Variants in BIRC6 observed in about 807,000 individuals in gnomAD.
BIRC6 encodes dual E2 ubiquitin-conjugating enzyme/E3 ubiquitin-protein ligase BIRC6.
A neutral mutation model predicts 503.3 loss-of-function variants in BIRC6; 98 were observed. The observed-to-expected ratio is 0.19, with a 90% CI of 0.17 to 0.23. The LOEUF (loss-of-function observed/expected upper bound fraction) is 0.23, where lower values mean the gene tolerates loss of function less well. BIRC6 is among the 10% of genes least tolerant of loss of function. BIRC6 has a pLI of 1.00. For missense variants in BIRC6, 5,360 were observed against 5,806.0 expected (o/e 0.92, Z 2.50); for synonymous variants, 2,240 against 2,078.7 (o/e 1.08, Z -2.11).
chr2:32,529,209 G>C (rs1474073090), intron 59 of BIRC6: 1 of 153,822 alleles, frequency 6.5e-6, no homozygotes, highest in Non-Finnish European at 1.4e-5. Flanking sequence ...GGTGATGTGA[G>C]TCTTGCCTTC....
In BIRC6 at chr2:32,461,000, CTCTT is replaced by C. The variant is rs1353288586; in HGVS notation, c.4754-2193_4754-2190del. ...TGCAATTGCTCTGCTCTGCTCTGCTCTCTTCTCTTCTCTTCTCTTCTCTTCTCTT... is the reference window on the plus strand; with the variant it reads ...TGCAATTGCTCTGCTCTGCTCTGCTCCTCTTCTCTTCTCTTCTCTTCTCTT... On this transcript the variant is annotated intron_variant, in intron 23 of 73. Coordinates refer to ENST00000421745, the MANE Select transcript of BIRC6 (RefSeq NM_016252.4). Among the ~76,000 whole-genome samples the C allele has an allele frequency of 8.7e-4, 18 of 20,754 alleles. No homozygotes were observed. In the East Asian group the frequency reaches 0.012, roughly 13 times the overall value. The allele number at this position is 20,754 out of a possible 152,430, so 13.6% of individuals were successfully genotyped here.
chr2:32,616,384 C>G (rs2063239534), intron 73 of BIRC6, among the ~76,000 whole-genome samples: 1 of 151,458 alleles, frequency 6.6e-6, no homozygotes, highest in South Asian at 2.1e-4. Context: ...AAGGCAAAAC[C>G]CCGTCTCTAC....
Position 32,593,955 on chromosome 2 carries a change from G to A in BIRC6, c.13396G>A (p.Ala4466Thr), listed in dbSNP as rs2061532895. The A allele has an allele frequency of 1.2e-6, 2 of 1,613,414 alleles. No homozygotes were observed. The highest frequency in any genetic ancestry group is 1.7e-6 in the Non-Finnish European group (2 of 1,179,552). Residue 4466 changes from alanine to threonine, a missense_variant, in exon 67 of 74, where the codon GCG becomes ACG. Around this residue, in one of 16 missense-constraint regions of BIRC6, gnomAD observed 477 missense variants for 574.4 expected, o/e 0.83. Transcript: ENST00000421745. ...TGTTAAAACAGGAGTAAAACCAGAT[G>A]CGTCTGATCAAGAACCAGAAGGACT... ...ENVKTGVKPD[A>T]SDQEPEGLTL...
At chr2:32,598,030 T>G in intron 69 of BIRC6, 62 bp downstream of exon 69, 1 of 1,367,952 alleles carries the variant, frequency 7.3e-7, no homozygotes, top group Non-Finnish European at 1.0e-6. Flanking sequence ...ATTACTCAAA[T>G]TTTTATACAA....
intron 57 of BIRC6, chr2:32,523,070 C>T (rs574817567): frequency 6.6e-6 from 1 of 152,108 alleles, no homozygotes. Context: ...TACTCAGTGT[C>T]TGAAAAGTAT....
intron 30 of BIRC6, among the ~76,000 whole-genome samples, 185 bp downstream of exon 30, chr2:32,469,799 TA>T (rs2048929285): frequency 6.6e-6 from 1 of 152,232 alleles, no homozygotes; most frequent in South Asian, 2.1e-4. Context: ...AAGTGATAAT[TA>T]GAGTCTACTC....
intron 65 of BIRC6, among the ~76,000 whole-genome samples, chr2:32,562,542 C>T (rs565444068): frequency 3.9e-5 from 6 of 152,284 alleles, no homozygotes; most frequent in African/African-American, 1.4e-4. Context: ...TGTATTCCAC[C>T]ATGACAGGAT....
At chr2:32,568,239 G>C (rs1282950946) in intron 65 of BIRC6, among the ~76,000 whole-genome samples, 1 of 144,810 alleles carries the variant, frequency 6.9e-6, no homozygotes, top group Non-Finnish European at 1.5e-5. Flanking sequence ...CACTGTAATC[G>C]TAACACGTTA....
chr2:32,582,894 C>G (rs1372172816), intron 66 of BIRC6, among the ~76,000 whole-genome samples: 1 of 152,068 alleles, frequency 6.6e-6, no homozygotes, highest in Non-Finnish European at 1.5e-5. Flanking sequence ...AGTAATGTAT[C>G]AGGTACATAA....
At chr2:32,575,500 C>T (rs961973145) in intron 66 of BIRC6, 134 bp downstream of exon 66, 9 of 773,138 alleles carry the variant, frequency 1.2e-5, no homozygotes, top group African/African-American at 1.7e-5. Context: ...TGCGGTGGCT[C>T]ACACCTGTAA....
intron 65 of BIRC6, among the ~76,000 whole-genome samples, chr2:32,553,197 CAAAAAAAAAAAAAAAA>C (rs763552918): frequency 7.4e-3 from 257 of 34,950 alleles, no homozygotes; most frequent in South Asian, 0.018. Context: ...AACTCTGTCT[CAAAAAAAAAAAAAAAA>C]AAAAAAAAAA....
In BIRC6 at chr2:32,401,465, G is replaced by T. The variant is rs745708744; in HGVS notation, c.1260G>T (p.Val420=). Residue 420 remains valine (V), a splice_region_variant and synonymous_variant, in exon 8 of 74, where the codon GTG becomes GTT. Coordinates refer to ENST00000421745, the MANE Select transcript of BIRC6 (RefSeq NM_016252.4). The part of the protein sequence containing the change: ...CIWDVSKLMK[V]HLKFEINAYD... ...ACTTAGGCTTTTCATTTGTTTAGGT[G>T]CACTTAAAGTTTGAAATTAATGCCT... 6.2e-7 allele frequency: 1 copy of T among 1,613,692 alleles called. No homozygotes were observed. The highest frequency in any genetic ancestry group is 1.1e-5 in the South Asian group (1 of 91,044).
At chr2:32,576,530 T>A (rs1333281307) in intron 66 of BIRC6, among the ~76,000 whole-genome samples, 8 of 152,230 alleles carry the variant, frequency 5.3e-5, no homozygotes, top group Admixed American at 1.3e-4. Flanking sequence ...TTCAGTTACC[T>A]TTTGAGTAAA....
chr2:32,523,483 A>G (rs965867508), intron 57 of BIRC6: 2 of 152,294 alleles, frequency 1.3e-5, no homozygotes, highest in East Asian at 3.9e-4. Flanking sequence ...GACCTGTGTC[A>G]GTATGTTTGC....
chr2:32,583,789 G>A (rs1241179814), intron 66 of BIRC6, among the ~76,000 whole-genome samples: 1 of 152,156 alleles, frequency 6.6e-6, no homozygotes, highest in Non-Finnish European at 1.5e-5. Flanking sequence ...GGAGTGCAGT[G>A]ACATAATCTT....
At chr2:32,597,367 TA>T (rs1272491866) in intron 68 of BIRC6, among the ~76,000 whole-genome samples, 1 of 152,226 alleles carries the variant, frequency 6.6e-6, no homozygotes, top group Non-Finnish European at 1.5e-5. Flanking sequence ...GTGCATGTTT[TA>T]TCAAGTAGCC....
intron 38 of BIRC6, 30 bp from the exon 39 acceptor site, chr2:32,482,399 A>G (rs2050507304): frequency 6.2e-7 from 1 of 1,601,530 alleles, no homozygotes; most frequent in South Asian, 1.1e-5. Flanking sequence ...AGGCAAAAAT[A>G]AACCACAGTT....
chr2:32,546,502 C>T (rs759591080), intron 63 of BIRC6, among the ~76,000 whole-genome samples: 7 of 151,834 alleles, frequency 4.6e-5, no homozygotes, highest in Non-Finnish European at 8.8e-5. Flanking sequence ...ATCACTTGAA[C>T]CCAGGAGGCG....
chr2:32,442,141 G>A lies in BIRC6; in HGVS notation c.4021G>A (p.Asp1341Asn). Reference sequence around the variant, plus strand: ...TAATACTCTTTGCAGAAAAACAGATGATGGCCAGATCACAGAACATGCCCA... The same window carrying A: ...TAATACTCTTTGCAGAAAAACAGATAATGGCCAGATCACAGAACATGCCCA... ...LLNTLCRKTD[D>N]GQITEHAQSL... is the part of the protein sequence containing the mutation. The change falls in exon 18 of 74, where the codon GAT becomes AAT. Residue 1341 changes from aspartate (D) to asparagine (N), a missense_variant. Physicochemically the swap from Asp to Asn is conservative, Grantham distance 23. Around this residue, in one of 16 missense-constraint regions of BIRC6, gnomAD observed 2,299 missense variants for 2,267.2 expected, o/e 1.01. Transcript: ENST00000421745. 1 of 1,610,634 alleles carries A rather than the reference G, an allele frequency of 6.2e-7. No individual in the cohort carries two copies. Among genetic ancestry groups the A allele is most frequent in the Non-Finnish European group, 8.5e-7 (1 of 1,179,008 alleles).
Sources: allele counts gnomAD v4.1 joint callset (sites outside exome capture counted in the v4.1 genomes callset), GRCh38; gene constraint gnomAD v4.1.1; regional missense constraint gnomAD v4.1.1; transcripts MANE v1.5; gene names NCBI Gene and HGNC (gene_info 2026-07-23, HGNC 2026-07-21).